The following BIRC6 variants were observed in gnomAD, a reference collection of about 807,000 sequenced individuals.
BIRC6 encodes dual E2 ubiquitin-conjugating enzyme/E3 ubiquitin-protein ligase BIRC6.
Under a neutral mutation model 503.3 loss-of-function variants are expected in BIRC6, and 98 were observed. The observed-to-expected ratio is 0.19, with a 90% confidence interval of 0.17 to 0.23. The LOEUF is 0.23. Ranked by LOEUF, BIRC6 falls within the 10% of genes least tolerant of loss-of-function variation. The pLI, the probability that BIRC6 is intolerant of heterozygous loss-of-function variation, is 1.00. For synonymous variants in BIRC6, 2,240 were observed against 2,078.7 expected (o/e 1.08, Z -2.11); for missense variants, 5,360 against 5,806.0 (o/e 0.92, Z 2.50).
At chr2:32,405,190 A>G (rs2041059766) in intron 8 of BIRC6, among the ~76,000 whole-genome samples, 1 of 152,080 alleles carries the variant, frequency 6.6e-6, no homozygotes, top group Non-Finnish European at 1.5e-5. Flanking sequence ...GGACTTCTTC[A>G]TTCTTGATAA....
chr2:32,395,795 T>C (rs1362283728), intron 6 of BIRC6, among the ~76,000 whole-genome samples: 6 of 152,216 alleles, frequency 3.9e-5, no homozygotes, highest in Non-Finnish European at 8.8e-5. Context: ...TTTCTAAAAA[T>C]TGTACACAAG....
chr2:32,465,329 C>G (rs1160902544), intron 26 of BIRC6, among the ~76,000 whole-genome samples, 165 bp downstream of exon 26: 1 of 140,034 alleles, frequency 7.1e-6, no homozygotes, highest in African/African-American at 2.7e-5. Flanking sequence ...CTTACATGTT[C>G]AAGCTTTGTG....
In BIRC6 at chr2:32,480,621, C is replaced by CT. The variant is rs560251664; in HGVS notation, c.7409-662dup. Reference sequence around the variant, plus strand: ...CATAACAGAAAAATAAGGTAAATGGCTTTTTTTTTTTTTTTTTTTTTTTTT... The same window carrying CT: ...CATAACAGAAAAATAAGGTAAATGGCTTTTTTTTTTTTTTTTTTTTTTTTTT... On this transcript the variant is annotated intron_variant, in intron 37 of 73. Coordinates refer to ENST00000421745, the MANE Select transcript of BIRC6 (RefSeq NM_016252.4). Among the ~76,000 whole-genome samples the CT allele has an allele frequency of 4.9e-4, 30 of 60,742 alleles. 4 individuals are homozygous for CT. The highest frequency in any genetic ancestry group is 9.3e-4 in the African/African-American group (13 of 13,992). 39.8% of individuals were successfully genotyped at this position (60,742 alleles called of 152,430 possible). A position where few individuals can be genotyped will look rare whatever the true frequency, so the allele number is the denominator to read the frequency against.
intron 61 of BIRC6, among the ~76,000 whole-genome samples, chr2:32,537,733 G>A (rs1349840582): frequency 6.6e-6 from 1 of 152,164 alleles, no homozygotes; most frequent in Admixed American, 6.5e-5. Flanking sequence ...TTGGGAGGCC[G>A]AGGCGGGCGG....
At chr2:32,438,192 A>T (rs1422320577) in intron 15 of BIRC6, among the ~76,000 whole-genome samples, 2 of 152,208 alleles carry the variant, frequency 1.3e-5, no homozygotes, top group African/African-American at 4.8e-5. Flanking sequence ...TTTCCATAAA[A>T]TTCTCCCCAG....
intron 23 of BIRC6, among the ~76,000 whole-genome samples, chr2:32,454,475 T>C (rs2047028341): frequency 8.6e-6 from 1 of 116,708 alleles, no homozygotes; most frequent in African/African-American, 3.0e-5. Context: ...TCTTGTTTTC[T>C]GTGATTTTTT....
At chr2:32,441,168 T>C in intron 16 of BIRC6, among the ~76,000 whole-genome samples, 161 bp from the exon 17 acceptor site, 1 of 152,188 alleles carries the variant, frequency 6.6e-6, no homozygotes. Context: ...TGGAGAAAAT[T>C]AGTCATTTAC....
chr2:32,494,004 G>T (rs1165292461), intron 45 of BIRC6, among the ~76,000 whole-genome samples: 1 of 152,068 alleles, frequency 6.6e-6, no homozygotes, highest in Non-Finnish European at 1.5e-5. Flanking sequence ...GATTTTGTAT[G>T]TAAGAAAACC....
At chr2:32,470,410 T>C in intron 31 of BIRC6, 109 bp downstream of exon 31, 3 of 1,107,286 alleles carry the variant, frequency 2.7e-6, no homozygotes, top group Non-Finnish European at 1.2e-6. Flanking sequence ...GCACATTTAA[T>C]ATTTTTATGA....
At chr2:32,490,013 A>C (rs1369447823) in intron 42 of BIRC6, 28 bp from the exon 43 acceptor site, 1 of 1,463,110 alleles carries the variant, frequency 6.8e-7, no homozygotes, top group East Asian at 2.3e-5. Context: ...TTTCTGAAAA[A>C]TATTTTCCCT....
At chr2:32,376,586 T>C (rs1034490536) in intron 1 of BIRC6, among the ~76,000 whole-genome samples, 1 of 152,226 alleles carries the variant, frequency 6.6e-6, no homozygotes, top group African/African-American at 2.4e-5. Context: ...ATTTTTTAGA[T>C]ATTTCTAGGC....
At chr2:32,605,238 C>T (rs2062365587) in intron 71 of BIRC6, among the ~76,000 whole-genome samples, 2 of 152,108 alleles carry the variant, frequency 1.3e-5, no homozygotes. Context: ...ATCAAATAGG[C>T]CCCAGCGTCT....
intron 13 of BIRC6, 161 bp from the exon 14 acceptor site, chr2:32,435,335 A>G (rs575453981): frequency 7.2e-5 from 24 of 334,184 alleles, no homozygotes; most frequent in African/African-American, 4.9e-4. Context: ...CAATCATTTT[A>G]TAGCATCTGT....
chr2:32,479,928 A>G (rs573236047), intron 37 of BIRC6, among the ~76,000 whole-genome samples: 119 of 152,306 alleles, frequency 7.8e-4, no homozygotes, highest in African/African-American at 2.7e-3. Context: ...CTTATTCTTT[A>G]AGATCCAGCA....
At chr2:32,583,779 G>A (rs2060846492) in intron 66 of BIRC6, among the ~76,000 whole-genome samples, 1 of 152,102 alleles carries the variant, frequency 6.6e-6, no homozygotes, top group Non-Finnish European at 1.5e-5. Context: ...CGCCCAGGCT[G>A]GAGTGCAGTG....
At position 32,427,046 on chromosome 2, in the gene BIRC6, A is replaced by T. The variant is rs557769701; in HGVS notation, c.2873-2100A>T. Among the ~76,000 whole-genome samples the T allele has an allele frequency of 5.9e-5, 9 of 152,110 alleles. No homozygotes were observed. In the South Asian group the frequency reaches 1.9e-3, roughly 32 times the overall value. On this transcript the variant is annotated intron_variant, in intron 10 of 73. Coordinates refer to ENST00000421745, the MANE Select transcript of BIRC6 (RefSeq NM_016252.4). ...TAATTTTTATCTTGCTGTCTTCATG[A>T]TGTTCCCTTTGCCTTTGACTCTCAA...
At chr2:32,382,418 G>GA (rs2037807434) in intron 3 of BIRC6, among the ~76,000 whole-genome samples, 1 of 152,224 alleles carries the variant, frequency 6.6e-6, no homozygotes, top group Non-Finnish European at 1.5e-5. Flanking sequence ...GTCCTTTGCT[G>GA]AAACAGTGCT....
At chr2:32,512,645 G>C (rs961000605) in intron 53 of BIRC6, among the ~76,000 whole-genome samples, 1 of 152,120 alleles carries the variant, frequency 6.6e-6, no homozygotes, top group African/African-American at 2.4e-5. Context: ...TGTATTTCAT[G>C]AGACTTTGCA....
chr2:32,367,351 A>C (rs2035096727), intron 1 of BIRC6, among the ~76,000 whole-genome samples: 1 of 152,028 alleles, frequency 6.6e-6, no homozygotes, highest in African/African-American at 2.4e-5. Context: ...AATCCCAGCT[A>C]TTCGGGAGGC....
Sources: gnomAD v4.1 joint callset for allele counts (sites outside exome capture counted in the v4.1 genomes callset) on GRCh38, gnomAD v4.1.1 for gene constraint, MANE v1.5 for transcripts, NCBI Gene and HGNC (gene_info 2026-07-23, HGNC 2026-07-21) for gene names.